PAWR: variants seen among roughly 807,000 people sequenced by gnomAD.
PAWR encodes the protein pro-apoptotic WT1 regulator, also known as PRKC apoptosis WT1 regulator protein.
Under a neutral mutation model 32.0 loss-of-function variants are expected in PAWR, and 23 were observed. The observed-to-expected ratio is 0.72, with a 90% CI of 0.52 to 1.02. PAWR has a LOEUF of 1.02. Ranked by LOEUF, PAWR falls within the 50% of genes least tolerant of loss-of-function variation. The pLI is 0.00. For missense variants in PAWR, 457 were observed against 437.7 expected (o/e 1.04, Z -0.39); for synonymous variants, 226 against 187.1 (o/e 1.21, Z -1.70).
chr12:79,601,367 G>A (rs543055539), intron 4 of PAWR, among the ~76,000 whole-genome samples: 2 of 151,736 alleles, frequency 1.3e-5, no homozygotes, highest in East Asian at 1.9e-4. Flanking sequence ...GACCATGCCC[G>A]CTAATTTATC....
intron 2 of PAWR, among the ~76,000 whole-genome samples, chr12:79,641,668 G>A (rs975777573): frequency 2.0e-5 from 3 of 151,754 alleles, no homozygotes; most frequent in Non-Finnish European, 2.9e-5. Context: ...CCAACATGGT[G>A]AAACCCTGTC....
intron 3 of PAWR, 76 bp from the exon 4 acceptor site, chr12:79,613,685 G>T (rs1874543370): frequency 2.9e-6 from 2 of 697,684 alleles, no homozygotes; most frequent in Non-Finnish European, 4.7e-6. Context: ...ATAGTTGATA[G>T]AGAATACCTA....
intron 2 of PAWR, among the ~76,000 whole-genome samples, chr12:79,685,863 T>TC (rs1878656596): frequency 6.6e-6 from 1 of 152,158 alleles, no homozygotes; most frequent in Admixed American, 6.5e-5. Flanking sequence ...TTTTAAAAAC[T>TC]CCCCTTTCCC....
intron 2 of PAWR, among the ~76,000 whole-genome samples, chr12:79,634,479 C>T (rs1288425289): frequency 6.6e-6 from 1 of 152,128 alleles, no homozygotes; most frequent in Non-Finnish European, 1.5e-5. Flanking sequence ...ACACAATGTA[C>T]ATTCAGGAAG....
At chr12:79,626,587 T>A (rs1365952513) in intron 2 of PAWR, among the ~76,000 whole-genome samples, 3 of 151,794 alleles carry the variant, frequency 2.0e-5, no homozygotes, top group African/African-American at 7.3e-5. Context: ...TCCTTTTTTT[T>A]TTTAATTTTA....
At chr12:79,664,145 T>C (rs1227300934) in intron 2 of PAWR, among the ~76,000 whole-genome samples, 1 of 152,176 alleles carries the variant, frequency 6.6e-6, no homozygotes, top group Non-Finnish European at 1.5e-5. Flanking sequence ...AAAGGATTAT[T>C]TTCTTAAAAG....
intron 4 of PAWR, among the ~76,000 whole-genome samples, chr12:79,609,841 T>C (rs1053700170): frequency 1.3e-5 from 2 of 152,192 alleles, no homozygotes; most frequent in African/African-American, 2.4e-5. Flanking sequence ...GAGGACCCAC[T>C]GAACTGTTTA....
At chr12:79,686,040 ATAAAGCACTTTAGCCAACCACTAAAGC>A (rs758009840) in intron 2 of PAWR, among the ~76,000 whole-genome samples, 15 of 152,248 alleles carry the variant, frequency 9.9e-5, no homozygotes, top group Non-Finnish European at 2.1e-4. Flanking sequence ...ACTTCAGTAC[ATAAAGCACTTTAGCCAACCACTAAAGC>A]TAAACCACTT....
intron 2 of PAWR, among the ~76,000 whole-genome samples, chr12:79,660,818 A>T (rs1257029775): frequency 6.6e-6 from 1 of 151,666 alleles, no homozygotes; most frequent in Non-Finnish European, 1.5e-5. Flanking sequence ...TCCTGAACTG[A>T]GCTGATCCAC....
chr12:79,669,726 T>G (rs909283486), intron 2 of PAWR, among the ~76,000 whole-genome samples: 11 of 152,084 alleles, frequency 7.2e-5, no homozygotes, highest in East Asian at 3.9e-4. Context: ...CATTCTTTTT[T>G]TTTGTTTGTT....
intron 2 of PAWR, among the ~76,000 whole-genome samples, chr12:79,660,581 TA>T (rs1344796355): frequency 8.0e-5 from 12 of 150,804 alleles, no homozygotes; most frequent in Non-Finnish European, 1.6e-4. Flanking sequence ...CATTTCATTG[TA>T]CTTTTTTTTT....
chr12:79,620,389 G>C (rs771783073), intron 3 of PAWR, among the ~76,000 whole-genome samples: 8 of 152,160 alleles, frequency 5.3e-5, no homozygotes, highest in African/African-American at 9.7e-5. Flanking sequence ...CTGTCATAAA[G>C]AAGAGCTGCT....
chr12:79,611,273 A>G (rs1470151909), intron 4 of PAWR, among the ~76,000 whole-genome samples: 1 of 146,978 alleles, frequency 6.8e-6, no homozygotes, highest in Non-Finnish European at 1.5e-5. Context: ...TATATAATAT[A>G]TAATTTATAT....
At chr12:79,618,009 T>G (rs1874826073) in intron 3 of PAWR, among the ~76,000 whole-genome samples, 1 of 152,242 alleles carries the variant, frequency 6.6e-6, no homozygotes, top group Non-Finnish European at 1.5e-5. Flanking sequence ...TTGTGTAGCC[T>G]GTAGAAGTGT....
At position 79,617,682 on chromosome 12, in the gene PAWR, T is replaced by C. The variant is rs1874805784; in HGVS notation, c.648+3394A>G. Among the ~76,000 whole-genome samples the C allele has an allele frequency of 2.0e-5, 3 of 152,224 alleles. No individual in the cohort carries two copies. In the South Asian group the frequency reaches 6.2e-4, roughly 32 times the overall value. The stretch of plus-strand genomic sequence containing the variant: ...AGTGATATTTTTATTTCAATACATG[T>C]ATATATTATGGAAGGATCAAATTAG... On this transcript the variant is annotated intron_variant, in intron 3 of 6. Transcript: ENST00000328827.
intron 2 of PAWR, among the ~76,000 whole-genome samples, chr12:79,645,036 C>CCACACACACACACACA (rs60664351): frequency 7.7e-4 from 92 of 119,996 alleles, no homozygotes; most frequent in African/African-American, 2.0e-3. Context: ...TCCACCCCCA[C>CCACACACACACACACA]CACACACACA....
intron 4 of PAWR, among the ~76,000 whole-genome samples, chr12:79,599,920 G>A (rs987420674): frequency 6.6e-6 from 1 of 152,090 alleles, no homozygotes; most frequent in Non-Finnish European, 1.5e-5. Context: ...CTGAACATCT[G>A]CTCCGGTCAT....
chr12:79,687,176 C>T (rs981874270), intron 2 of PAWR, among the ~76,000 whole-genome samples: 1 of 152,202 alleles, frequency 6.6e-6, no homozygotes, highest in African/African-American at 2.4e-5. Flanking sequence ...GATAGATCGA[C>T]TTCAGCCATC....
chr12:79,633,245 A>G (rs2136751911), intron 2 of PAWR, among the ~76,000 whole-genome samples: 1 of 152,342 alleles, frequency 6.6e-6, no homozygotes, highest in Admixed American at 6.5e-5. Flanking sequence ...AATATTTGCA[A>G]AAACACACAC....
Sources: allele counts gnomAD v4.1 joint callset (sites outside exome capture counted in the v4.1 genomes callset), GRCh38; gene constraint gnomAD v4.1.1; transcripts MANE v1.5; gene names NCBI Gene and HGNC (gene_info 2026-07-23, HGNC 2026-07-21).